PCDH7: variants seen among roughly 807,000 people sequenced by gnomAD.
PCDH7 encodes the protein protocadherin 7.
PCDH7 carries 17 observed loss-of-function variants against 58.9 expected under a neutral mutation model. That is an observed-to-expected ratio of 0.29 (90% confidence interval 0.20 to 0.43). The LOEUF (loss-of-function observed/expected upper bound fraction) is 0.43. Among genes scored for constraint, PCDH7 ranks in the 20% least tolerant of loss-of-function variants. The pLI, the probability that PCDH7 is intolerant of heterozygous loss-of-function variation, is 1.00. For missense variants in PCDH7, 1,274 were observed against 1,441.0 expected, an observed-to-expected ratio of 0.88 and a Z score of 1.88; for synonymous variants, 664 against 616.4, an observed-to-expected ratio of 1.08 and a Z score of -1.14.
chr4:30,781,521 T>A (rs925816092), intron 1 of PCDH7, among the ~76,000 whole-genome samples: 1 of 151,732 alleles, frequency 6.6e-6, no homozygotes, highest in Admixed American at 6.6e-5. Context: ...ATTCGTATAA[T>A]ATTTTCTATC....
At chr4:30,818,687 T>A (rs981818483) in intron 1 of PCDH7, among the ~76,000 whole-genome samples, 3 of 152,186 alleles carry the variant, frequency 2.0e-5, no homozygotes, top group Admixed American at 1.3e-4. Context: ...AGGCACTGTT[T>A]TTCCAATATA....
At chr4:30,914,901 T>C (rs1742238016) in intron 1 of PCDH7, among the ~76,000 whole-genome samples, 1 of 152,182 alleles carries the variant, frequency 6.6e-6, no homozygotes, top group Non-Finnish European at 1.5e-5. Context: ...ATAGAATTCT[T>C]TTCTTGTTCT....
At chr4:30,881,789 C>A (rs1157294845) in intron 1 of PCDH7, among the ~76,000 whole-genome samples, 1 of 152,132 alleles carries the variant, frequency 6.6e-6, no homozygotes, top group Non-Finnish European at 1.5e-5. Context: ...TTTTTAGCAG[C>A]GTTCTAAACG....
At chr4:31,047,498 T>TATTC (rs1406980761) in intron 3 of PCDH7, among the ~76,000 whole-genome samples, 1 of 152,094 alleles carries the variant, frequency 6.6e-6, no homozygotes, top group Admixed American at 6.6e-5. Context: ...ATCTAGCTTC[T>TATTC]ATTCACTCCA....
chr4:30,803,530 G>A (rs574888498), intron 1 of PCDH7, among the ~76,000 whole-genome samples: 22 of 151,878 alleles, frequency 1.4e-4, no homozygotes, highest in East Asian at 3.9e-4. Flanking sequence ...CTCAAACTCC[G>A]GCGCTCAAGA....
chr4:30,959,950 A>G (rs1490892513), intron 3 of PCDH7, among the ~76,000 whole-genome samples: 1 of 152,040 alleles, frequency 6.6e-6, no homozygotes, highest in East Asian at 1.9e-4. Flanking sequence ...CTGGATTGCC[A>G]TTTGTTAAAT....
At chr4:30,765,124 G>GGTTTTTTTTTT (rs1242502475) in intron 1 of PCDH7, among the ~76,000 whole-genome samples, 1 of 36,026 alleles carries the variant, frequency 2.8e-5, no homozygotes, top group African/African-American at 7.8e-5. Flanking sequence ...GACTTCAGAT[G>GGTTTTTTTTTT]CTTTTTTTTT....
intron 1 of PCDH7, among the ~76,000 whole-genome samples, chr4:30,898,394 A>G (rs952990178): frequency 1.3e-5 from 2 of 152,208 alleles, no homozygotes; most frequent in Non-Finnish European, 2.9e-5. Context: ...CTTCTGGTAG[A>G]TAGTCGAGGA....
At chr4:30,984,107 T>A (rs1436978123) in intron 3 of PCDH7, among the ~76,000 whole-genome samples, 2 of 152,172 alleles carry the variant, frequency 1.3e-5, no homozygotes, top group African/African-American at 4.8e-5. Context: ...ACATTCCAAA[T>A]TCAAACATAC....
At position 30,804,531 on chromosome 4, in the gene PCDH7, A is replaced by G. The variant is rs555604574; in HGVS notation, c.70+79935A>G. ...TCCAACCTGGCAACAGAGCAAGACT[A>G]TCTAAAAAAAAAAAAAAAAAGATGT... is the stretch of plus-strand genomic sequence containing the variant. On this transcript the variant is annotated intron_variant, in intron 1 of 3. Transcript: ENST00000509759. 2.0e-3 allele frequency among the ~76,000 whole-genome samples: 294 copies of G among 146,376 alleles called. 2 individuals are homozygous for G. Among genetic ancestry groups the G allele is most frequent in the African/African-American group, 6.7e-3 (268 of 39,710 alleles).
chr4:30,791,530 A>C (rs1249492263), intron 1 of PCDH7, among the ~76,000 whole-genome samples: 1 of 152,170 alleles, frequency 6.6e-6, no homozygotes, highest in Non-Finnish European at 1.5e-5. Flanking sequence ...GCAGACTTAG[A>C]TGTTCATGGG....
intron 1 of PCDH7, among the ~76,000 whole-genome samples, chr4:30,756,768 T>C (rs141976260): frequency 3.6e-4 from 55 of 152,324 alleles, no homozygotes; most frequent in African/African-American, 1.3e-3. Context: ...CTTAAACATG[T>C]ACCAACTTCT....
chr4:30,952,159 T>TA (rs1236196417), intron 3 of PCDH7, among the ~76,000 whole-genome samples: 2 of 152,174 alleles, frequency 1.3e-5, no homozygotes, highest in African/African-American at 4.8e-5. Context: ...TTAGGACCTG[T>TA]AACTACAAAC....
chr4:30,796,502 G>T (rs1422871389), intron 1 of PCDH7, among the ~76,000 whole-genome samples: 1 of 152,152 alleles, frequency 6.6e-6, no homozygotes, highest in African/African-American at 2.4e-5. Flanking sequence ...ACAGATCATG[G>T]TTAGGCCTGA....
At chr4:31,082,888 C>G (rs551929810) in intron 3 of PCDH7, among the ~76,000 whole-genome samples, 6 of 152,230 alleles carry the variant, frequency 3.9e-5, no homozygotes, top group South Asian at 4.1e-4. Context: ...GTGGGCGGAT[C>G]ACGAGGTCAG....
At chr4:30,888,262 G>A (rs1031633603) in intron 1 of PCDH7, among the ~76,000 whole-genome samples, 5 of 150,654 alleles carry the variant, frequency 3.3e-5, no homozygotes, top group African/African-American at 1.2e-4. Context: ...CACTTTCTAT[G>A]AAGTAGTCTT....
At position 30,728,676 on chromosome 4, in the gene PCDH7, T is replaced by G. The variant is rs151175501; in HGVS notation, c.3175-2077T>G. On this transcript the variant is annotated intron_variant, in intron 1 of 1. Coordinates refer to ENST00000361762, the Ensembl canonical transcript of PCDH7. ...AGTCCACATGATTATTTGAATCTTA[T>G]CCAAAACTTATCCTAAACCAATTAA... 2.0e-5 allele frequency among the ~76,000 whole-genome samples: 3 copies of G among 151,944 alleles called. No individual in the cohort carries two copies. In the East Asian group the frequency reaches 5.8e-4, roughly 29 times the overall value.
intron 3 of PCDH7, among the ~76,000 whole-genome samples, chr4:30,955,344 C>A (rs568402877): frequency 3.9e-5 from 6 of 151,906 alleles, no homozygotes; most frequent in Non-Finnish European, 8.8e-5. Flanking sequence ...AACTGACTCA[C>A]ATAAGCATAA....
intron 1 of PCDH7, chr4:30,786,628 A>G (rs536865508): frequency 4.7e-6 from 1 of 214,962 alleles, no homozygotes; most frequent in Non-Finnish European, 8.0e-6. Context: ...AGGAAAGAAT[A>G]CTATCAGCCA....
Sources: gnomAD v4.1 joint callset for allele counts (sites outside exome capture counted in the v4.1 genomes callset) on GRCh38, gnomAD v4.1.1 for gene constraint, MANE v1.5 for transcripts, NCBI Gene and HGNC (gene_info 2026-07-23, HGNC 2026-07-21) for gene names.